Variants in SHISA9 observed in about 807,000 individuals in gnomAD.
The protein encoded by SHISA9 is protein shisa-9.
SHISA9 carries 13 observed loss-of-function variants against 38.0 expected under a neutral mutation model. The ratio of observed to expected loss-of-function variants is 0.34; its 90% CI spans 0.22 to 0.54. The LOEUF is 0.54. Among genes scored for constraint, SHISA9 ranks in the 20% least tolerant of loss-of-function variants. The pLI is 0.91. For synonymous variants in SHISA9, 275 were observed against 242.0 expected, an observed-to-expected ratio of 1.14 and a Z score of -1.27; for missense variants, 538 against 575.8, an observed-to-expected ratio of 0.93 and a Z score of 0.67.
At chr16:13,394,605 G>T in the SHISA9 span, among the ~76,000 whole-genome samples, 3 of 152,026 alleles carry the variant, frequency 2.0e-5, no homozygotes, top group Non-Finnish European at 4.4e-5. Flanking sequence ...TCTAGCTCTC[G>T]GTCTAAGTGT....
rs771893429 is a variant in SHISA9, at chr16:12,916,664, G to C, written c.564-24G>C. 3 of 1,546,010 alleles carry C rather than the reference G, an allele frequency of 1.9e-6. No individual in the cohort carries two copies. The South Asian group carries it at 3.6e-5, about 19-fold the overall frequency. ...CCAGTCATTGTGTTTTGAATGAACAGATTTAAATTCTTTCTTCTTTCAGGG... is the reference window on the plus strand; with the variant it reads ...CCAGTCATTGTGTTTTGAATGAACACATTTAAATTCTTTCTTCTTTCAGGG... On this transcript the variant is annotated intron_variant, in intron 1 of 4. Transcript: ENST00000558583.
At chr16:13,155,617 C>T (rs867278171) in intron 2 of SHISA9, among the ~76,000 whole-genome samples, 2 of 151,824 alleles carry the variant, frequency 1.3e-5, no homozygotes, top group African/African-American at 4.8e-5. Context: ...TGTGTGCATA[C>T]GTACATATGC....
the SHISA9 span, among the ~76,000 whole-genome samples, chr16:13,521,382 T>G: frequency 2.0e-5 from 3 of 152,214 alleles, no homozygotes; most frequent in Non-Finnish European, 4.4e-5. Context: ...ACCCCTATAC[T>G]TTATACAGTA....
At chr16:12,968,857 A>G (rs1041231280) in intron 2 of SHISA9, among the ~76,000 whole-genome samples, 3 of 152,106 alleles carry the variant, frequency 2.0e-5, no homozygotes, top group Non-Finnish European at 4.4e-5. Context: ...GTTCCAATAG[A>G]ATTTTATTTA....
At chr16:13,018,338 C>T (rs1294485124) in intron 2 of SHISA9, among the ~76,000 whole-genome samples, 1 of 152,240 alleles carries the variant, frequency 6.6e-6, no homozygotes, top group Non-Finnish European at 1.5e-5. Context: ...CAGGTTGGCC[C>T]TGCTTCCTGA....
At chr16:13,347,261 A>G in the SHISA9 span, among the ~76,000 whole-genome samples, 6 of 152,286 alleles carry the variant, frequency 3.9e-5, 1 homozygote, top group Admixed American at 3.3e-4. Flanking sequence ...AACCAATCCT[A>G]TGAGGGAGAG....
At chr16:12,953,851 T>C (rs1003305567) in intron 2 of SHISA9, among the ~76,000 whole-genome samples, 79 of 152,130 alleles carry the variant, frequency 5.2e-4, no homozygotes, top group African/African-American at 1.8e-3. Flanking sequence ...AAGCAGCTTC[T>C]TCATAAGGTG....
chr16:13,020,929 C>T (rs1248326796), intron 2 of SHISA9, among the ~76,000 whole-genome samples: 1 of 152,202 alleles, frequency 6.6e-6, no homozygotes, highest in African/African-American at 2.4e-5. Context: ...TAGCTGTGAC[C>T]ACATAATATC....
chr16:13,265,715 G>A, the SHISA9 span, among the ~76,000 whole-genome samples: 4 of 151,916 alleles, frequency 2.6e-5, no homozygotes, highest in African/African-American at 9.7e-5. Context: ...TATATGCTGA[G>A]GATAATGAAA....
intron 2 of SHISA9, 150 bp downstream of exon 2, chr16:12,916,965 A>G: frequency 1.0e-6 from 1 of 953,312 alleles, no homozygotes; most frequent in East Asian, 2.9e-5. Flanking sequence ...GATGAAGCTG[A>G]ATTTAGCATC....
At chr16:13,052,205 G>A (rs1414000146) in intron 2 of SHISA9, among the ~76,000 whole-genome samples, 1 of 152,184 alleles carries the variant, frequency 6.6e-6, no homozygotes, top group Non-Finnish European at 1.5e-5. Flanking sequence ...AGCAAGCAAT[G>A]TGGTGTCAGA....
chr16:13,289,146 A>G, the SHISA9 span, among the ~76,000 whole-genome samples: 1 of 152,162 alleles, frequency 6.6e-6, no homozygotes, highest in Non-Finnish European at 1.5e-5. Flanking sequence ...CCGCAAAGGA[A>G]TTAGAGTAGA....
the SHISA9 span, among the ~76,000 whole-genome samples, chr16:13,419,913 C>T: frequency 6.6e-6 from 1 of 152,126 alleles, no homozygotes; most frequent in Non-Finnish European, 1.5e-5. Flanking sequence ...GTGAAATCTA[C>T]ACTGCGTTAA....
chr16:13,334,395 G>C, the SHISA9 span, among the ~76,000 whole-genome samples: 2 of 152,166 alleles, frequency 1.3e-5, no homozygotes, highest in African/African-American at 4.8e-5. Context: ...GCTAGCAGAG[G>C]GTTCTTCTGT....
At position 12,902,220 on chromosome 16, in the gene SHISA9, A is replaced by G. The variant is rs1454010056; in HGVS notation, c.156A>G (p.Gly52=). The change falls in exon 1 of 5, where the codon GGA becomes GGG. Residue 52 remains glycine, a synonymous_variant. Coordinates refer to ENST00000558583, the MANE Select transcript of SHISA9 (RefSeq NM_001145204.3). ...GCAACCGCTCCGGGGCCGCCTCCGG[A>G]GAGGCCAGCGAGGGCGCTGAGGCAT... The part of the protein sequence containing the change: ...AGGNRSGAAS[G]EASEGAEASD... 1 of 1,537,428 alleles carries G rather than the reference A, an allele frequency of 6.5e-7. No individual in the cohort carries two copies. The highest frequency in any genetic ancestry group is 8.7e-7 in the Non-Finnish European group (1 of 1,145,356).
chr16:13,489,043 G>A, the SHISA9 span, among the ~76,000 whole-genome samples: 1 of 152,100 alleles, frequency 6.6e-6, no homozygotes, highest in Non-Finnish European at 1.5e-5. Context: ...AAAGTGCTGG[G>A]ATTACAGGCT....
chr16:12,993,131 A>G (rs1351185411), intron 2 of SHISA9, among the ~76,000 whole-genome samples: 2 of 152,240 alleles, frequency 1.3e-5, no homozygotes, highest in Non-Finnish European at 2.9e-5. Flanking sequence ...GAGGTTGGGT[A>G]GAGAGGAGAA....
Position 13,092,197 on chromosome 16 carries a change from C to T in SHISA9, c.692-111197C>T, listed in dbSNP as rs141378491. 6.3e-3 allele frequency among the ~76,000 whole-genome samples: 953 copies of T among 152,304 alleles called. 10 individuals are homozygous for T. Among genetic ancestry groups the T allele is most frequent in the African/African-American group, 0.022 (899 of 41,566 alleles). On this transcript the variant is annotated intron_variant, in intron 2 of 4. Transcript: ENST00000558583. Reference sequence around the variant, plus strand: ...TGCCTGATCCTTACTCTGGAAGCTTCGTCCGAGAGGGGCAGCCACCTATAT... The same window carrying T: ...TGCCTGATCCTTACTCTGGAAGCTTTGTCCGAGAGGGGCAGCCACCTATAT...
intron 2 of SHISA9, among the ~76,000 whole-genome samples, chr16:13,056,897 G>C (rs2073317307): frequency 6.6e-6 from 1 of 152,246 alleles, no homozygotes; most frequent in Non-Finnish European, 1.5e-5. Context: ...AGGAGGAAGT[G>C]AGAGAAAGTA....
Sources: allele counts gnomAD v4.1 joint callset (sites outside exome capture counted in the v4.1 genomes callset), GRCh38; gene constraint gnomAD v4.1.1; transcripts MANE v1.5; gene names NCBI Gene and HGNC (gene_info 2026-07-23, HGNC 2026-07-21).